The following ABTB3 variants were observed in gnomAD, a reference collection of about 807,000 sequenced individuals.
The protein encoded by ABTB3 is ankyrin repeat and BTB domain containing 3, also known as ankyrin repeat- and BTB/POZ domain-containing protein 3.
chr12:107,339,461 T>C, the ABTB3 span, among the ~76,000 whole-genome samples: 1 of 152,172 alleles, frequency 6.6e-6, no homozygotes, highest in East Asian at 1.9e-4. Flanking sequence ...ACAATCAAAA[T>C]CTTTATGTAT....
chr12:107,384,924 G>A, the ABTB3 span, among the ~76,000 whole-genome samples: 51 of 152,302 alleles, frequency 3.3e-4, no homozygotes, highest in African/African-American at 1.1e-3. Context: ...AAACCAAGGC[G>A]ATAGCTTGGA....
chr12:107,522,802 G>A, the ABTB3 span, among the ~76,000 whole-genome samples: 3 of 147,048 alleles, frequency 2.0e-5, no homozygotes, highest in Admixed American at 6.8e-5. Context: ...GAGGGAGGGA[G>A]GGGAAGGGAA....
chr12:107,478,036 A>G, the ABTB3 span, among the ~76,000 whole-genome samples: 1 of 152,198 alleles, frequency 6.6e-6, no homozygotes, highest in Non-Finnish European at 1.5e-5. Context: ...CAACCTCCCT[A>G]GAAAAATCCT....
At chr12:107,477,023 A>G in the ABTB3 span, among the ~76,000 whole-genome samples, 1 of 152,190 alleles carries the variant, frequency 6.6e-6, no homozygotes, top group Non-Finnish European at 1.5e-5. Flanking sequence ...GAAGAAATCC[A>G]CATCAGGTGT....
chr12:107,654,957 G>GCT, the ABTB3 span, among the ~76,000 whole-genome samples: 4,767 of 149,870 alleles, frequency 0.032, 292 homozygotes, highest in African/African-American at 0.11. Flanking sequence ...AGAAGAGAGG[G>GCT]CTCTCTCTCT....
At chr12:107,628,389 C>T in the ABTB3 span, among the ~76,000 whole-genome samples, 2 of 152,174 alleles carry the variant, frequency 1.3e-5, no homozygotes, top group Admixed American at 6.5e-5. Context: ...GTGATCCACC[C>T]GCCTCAGCCT....
chr12:107,618,459 G>A, the ABTB3 span: 618 of 1,213,836 alleles, frequency 5.1e-4, 8 homozygotes, highest in East Asian at 0.014. Flanking sequence ...GCACATGCGC[G>A]CACACATACA....
the ABTB3 span, among the ~76,000 whole-genome samples, chr12:107,459,430 C>T: frequency 6.6e-6 from 1 of 152,194 alleles, no homozygotes; most frequent in Non-Finnish European, 1.5e-5. Context: ...CCTGCTCTTG[C>T]GGACCTTACC....
chr12:107,518,457 C>T, the ABTB3 span, among the ~76,000 whole-genome samples: 1 of 152,032 alleles, frequency 6.6e-6, no homozygotes, highest in Non-Finnish European at 1.5e-5. Context: ...TTTGTAGGGA[C>T]ATGGATGAAG....
the ABTB3 span, among the ~76,000 whole-genome samples, chr12:107,450,432 A>G: frequency 6.6e-6 from 1 of 152,178 alleles, no homozygotes; most frequent in Non-Finnish European, 1.5e-5. Flanking sequence ...GGAGTGCAGA[A>G]GCTTCTATAC....
chr12:107,366,261 A>C, the ABTB3 span, among the ~76,000 whole-genome samples: 1 of 152,232 alleles, frequency 6.6e-6, no homozygotes, highest in Admixed American at 6.5e-5. Context: ...ATGAGTAACT[A>C]AGAGAGGAAG....
the ABTB3 span, among the ~76,000 whole-genome samples, chr12:107,469,992 CTTTCTTTCTTTCTTTCTT>C: frequency 5.3e-4 from 51 of 96,572 alleles, 4 homozygotes; most frequent in Admixed American, 1.0e-3. Flanking sequence ...TTCTTTCTTT[CTTTCTTTCTTTCTTTCTT>C]TCTCTCTCTC....
At chr12:107,499,713 T>C in the ABTB3 span, among the ~76,000 whole-genome samples, 1 of 149,160 alleles carries the variant, frequency 6.7e-6, no homozygotes, top group African/African-American at 2.5e-5. Flanking sequence ...TAAGATAGAA[T>C]CTCACTCTGT....
chr12:107,574,414 G>T, the ABTB3 span, among the ~76,000 whole-genome samples: 1 of 152,190 alleles, frequency 6.6e-6, no homozygotes, highest in Admixed American at 6.5e-5. Flanking sequence ...ATTATCACCT[G>T]GGAGCGCATT....
At chr12:107,595,954 T>A in the ABTB3 span, among the ~76,000 whole-genome samples, 1 of 152,162 alleles carries the variant, frequency 6.6e-6, no homozygotes, top group South Asian at 2.1e-4. Flanking sequence ...TATACGTATA[T>A]TCACTTATAT....
At chr12:107,565,276 T>C in the ABTB3 span, among the ~76,000 whole-genome samples, 1 of 152,174 alleles carries the variant, frequency 6.6e-6, no homozygotes, top group Non-Finnish European at 1.5e-5. Flanking sequence ...AACCCTGACA[T>C]TGTTGGCATC....
chr12:107,658,871 A>ATG, the ABTB3 span: 6 of 152,768 alleles, frequency 3.9e-5, no homozygotes, highest in South Asian at 6.2e-4. Flanking sequence ...AAGATGAAAC[A>ATG]TGTATGATAG....
the ABTB3 span, among the ~76,000 whole-genome samples, chr12:107,334,483 G>A: frequency 3.3e-5 from 5 of 152,220 alleles, no homozygotes; most frequent in East Asian, 3.9e-4. Flanking sequence ...TAACTGAGAC[G>A]GGAAATACCG....
At chr12:107,584,671 C>T in the ABTB3 span, among the ~76,000 whole-genome samples, 14,160 of 152,138 alleles carry the variant, frequency 0.093, 738 homozygotes, top group Middle Eastern at 0.12. Context: ...ACCAGCTGGC[C>T]GAGGGTTCCT....
Sources: allele counts gnomAD v4.1 joint callset (sites outside exome capture counted in the v4.1 genomes callset), GRCh38; gene constraint gnomAD v4.1.1; transcripts MANE v1.5; gene names NCBI Gene and HGNC (gene_info 2026-07-23, HGNC 2026-07-21).